Variants in GPC5 observed in about 807,000 individuals in gnomAD.
GPC5 encodes the protein glypican 5.
GPC5 carries 47 observed loss-of-function variants against 53.9 expected under a neutral mutation model. The observed-to-expected ratio is 0.87, with a 90% CI of 0.69 to 1.11. The LOEUF (loss-of-function observed/expected upper bound fraction) is 1.11. Among genes scored for constraint, GPC5 ranks in the 50% most tolerant of loss-of-function variants. GPC5 has a pLI of 0.00. For missense variants in GPC5, 748 were observed against 713.1 expected (o/e 1.05, Z -0.56); for synonymous variants, 286 against 263.3 (o/e 1.09, Z -0.84).
At chr13:92,437,828 T>G (rs2139381773) in intron 7 of GPC5, among the ~76,000 whole-genome samples, 1 of 152,196 alleles carries the variant, frequency 6.6e-6, no homozygotes, top group African/African-American at 2.4e-5. Flanking sequence ...TCCTTCAGGT[T>G]ATTAGCAGAA....
At chr13:91,572,201 GTATATATACGTGTATA>G (rs2031935105) in intron 2 of GPC5, among the ~76,000 whole-genome samples, 1 of 124,042 alleles carries the variant, frequency 8.1e-6, no homozygotes, top group Non-Finnish European at 1.7e-5. Flanking sequence ...ACACACATAT[GTATATATACGTGTATA>G]TATATACACA....
intron 5 of GPC5, among the ~76,000 whole-genome samples, chr13:91,860,745 G>T (rs909596405): frequency 6.6e-6 from 1 of 151,864 alleles, no homozygotes; most frequent in African/African-American, 2.4e-5. Flanking sequence ...CCAGTGATCC[G>T]CCTACCTCGG....
chr13:91,738,201 T>C lies in GPC5; in HGVS notation c.1154+9536T>C, dbSNP rs547861145. ...CCTTTACTAAGGAAAATTTTCTTTA[T>C]AGATGTAAACTTCTTTTACAAAAGA... On this transcript the variant is annotated intron_variant, in intron 4 of 7. Coordinates refer to ENST00000377067, the MANE Select transcript of GPC5 (RefSeq NM_004466.6). 7.0e-4 allele frequency among the ~76,000 whole-genome samples: 106 copies of C among 151,622 alleles called. 6 individuals carry two copies. Among genetic ancestry groups the C allele is most frequent in the African/African-American group, 2.4e-3 (100 of 40,914 alleles).
chr13:91,821,406 G>C (rs1454357580), intron 5 of GPC5, among the ~76,000 whole-genome samples: 2 of 152,040 alleles, frequency 1.3e-5, no homozygotes, highest in African/African-American at 4.8e-5. Context: ...CTAGGAAAAA[G>C]GCTCTTCCCC....
At chr13:92,062,409 G>C (rs1036861535) in intron 6 of GPC5, among the ~76,000 whole-genome samples, 1 of 151,882 alleles carries the variant, frequency 6.6e-6, no homozygotes, top group African/African-American at 2.4e-5. Flanking sequence ...TCCAAACACT[G>C]CTAAAAATAA....
chr13:92,481,315 A>G (rs1182838692), intron 7 of GPC5, among the ~76,000 whole-genome samples: 5 of 151,928 alleles, frequency 3.3e-5, no homozygotes, highest in African/African-American at 4.8e-5. Context: ...GTTAGCCAAG[A>G]TGGTCTCGAT....
chr13:92,448,090 G>A (rs1027930580), intron 7 of GPC5: 1 of 152,010 alleles, frequency 6.6e-6, no homozygotes, highest in African/African-American at 2.4e-5. Flanking sequence ...GTTTTCCAAA[G>A]GGAAACATTA....
chr13:92,209,895 C>G (rs1266986645), intron 7 of GPC5, among the ~76,000 whole-genome samples: 2 of 152,056 alleles, frequency 1.3e-5, no homozygotes, highest in Non-Finnish European at 2.9e-5. Context: ...GGAAAGATGC[C>G]AGTCTGAGTC....
chr13:91,876,752 T>C (rs1376351175), intron 5 of GPC5, among the ~76,000 whole-genome samples: 1 of 152,206 alleles, frequency 6.6e-6, no homozygotes, highest in African/African-American at 2.4e-5. Flanking sequence ...TGGAGAAATT[T>C]GCATAAGTAG....
At chr13:91,814,725 G>C (rs1407933751) in intron 5 of GPC5, among the ~76,000 whole-genome samples, 1 of 151,966 alleles carries the variant, frequency 6.6e-6, no homozygotes, top group Non-Finnish European at 1.5e-5. Flanking sequence ...ATTTTTTGTA[G>C]AGATGGGTTT....
At chr13:92,815,433 A>C (rs1177929906) in intron 7 of GPC5, among the ~76,000 whole-genome samples, 3 of 151,942 alleles carry the variant, frequency 2.0e-5, no homozygotes, top group African/African-American at 7.3e-5. Flanking sequence ...AGGAAGAGCG[A>C]GGGGTCAACG....
In GPC5 at chr13:92,494,064, G is replaced by T. The variant is rs200331745; in HGVS notation, c.1561+349075G>T. ...AAAGAATTACTTTGTGTTTTTTTTT[G>T]TTTGTTTGTTTGTTTGTTTTGTTTT... is the stretch of plus-strand genomic sequence containing the variant. On this transcript the variant is annotated intron_variant, in intron 7 of 7. Coordinates refer to ENST00000377067, the MANE Select transcript of GPC5 (RefSeq NM_004466.6). Among the ~76,000 whole-genome samples, 1,158 of 129,096 alleles carry T rather than the reference G, an allele frequency of 9.0e-3. 19 individuals carry two copies. Among genetic ancestry groups the T allele is most frequent in the African/African-American group, 0.03 (1,074 of 36,364 alleles). 84.7% of individuals were successfully genotyped at this position (129,096 alleles called of 152,430 possible).
chr13:91,689,492 A>G (rs2035707572), intron 2 of GPC5, among the ~76,000 whole-genome samples: 1 of 151,016 alleles, frequency 6.6e-6, no homozygotes, highest in Admixed American at 6.6e-5. Flanking sequence ...AATTTACTTT[A>G]AACTTCAATT....
At chr13:91,554,430 C>G (rs2030826300) in intron 2 of GPC5, among the ~76,000 whole-genome samples, 1 of 151,816 alleles carries the variant, frequency 6.6e-6, no homozygotes, top group African/African-American at 2.4e-5. Flanking sequence ...GACACACACA[C>G]CAGTGGAGAA....
chr13:91,902,990 C>A (rs1310903649), intron 5 of GPC5, among the ~76,000 whole-genome samples: 4 of 149,548 alleles, frequency 2.7e-5, no homozygotes, highest in African/African-American at 9.8e-5. Context: ...AAAATACATA[C>A]AAACAGTAAA....
chr13:92,318,597 G>C (rs1476641966), intron 7 of GPC5, among the ~76,000 whole-genome samples: 1 of 151,926 alleles, frequency 6.6e-6, no homozygotes, highest in African/African-American at 2.4e-5. Context: ...CCCTTGACAA[G>C]TGCCAGCACA....
intron 2 of GPC5, among the ~76,000 whole-genome samples, chr13:91,489,559 A>T (rs919236363): frequency 7.9e-5 from 12 of 152,166 alleles, no homozygotes; most frequent in Admixed American, 5.9e-4. Flanking sequence ...TTTAAAAATT[A>T]TTTCAGTTTG....
At chr13:91,787,853 ATAAAT>A (rs1365294915) in intron 5 of GPC5, among the ~76,000 whole-genome samples, 1 of 152,210 alleles carries the variant, frequency 6.6e-6, no homozygotes, top group Non-Finnish European at 1.5e-5. Flanking sequence ...TTTTGTAATG[ATAAAT>A]TAAATGACAG....
chr13:91,529,233 T>C (rs78009836), intron 2 of GPC5, among the ~76,000 whole-genome samples: 3,042 of 152,314 alleles, frequency 0.02, 76 homozygotes, highest in African/African-American at 0.06. Flanking sequence ...CCTGCCTTCA[T>C]AAAAATTAAG....
Sources: allele counts gnomAD v4.1 joint callset (sites outside exome capture counted in the v4.1 genomes callset), GRCh38; gene constraint gnomAD v4.1.1; transcripts MANE v1.5; gene names NCBI Gene and HGNC (gene_info 2026-07-23, HGNC 2026-07-21).